Variants in FGD4 observed in about 807,000 individuals in gnomAD.
FGD4 encodes FYVE, RhoGEF and PH domain-containing protein 4.
A neutral mutation model predicts 102.0 loss-of-function variants in FGD4; 42 were observed. The ratio of observed to expected loss-of-function variants is 0.41; its 90% confidence interval spans 0.32 to 0.53. The LOEUF is 0.53. Ranked by LOEUF, FGD4 falls within the 20% of genes least tolerant of loss-of-function variation. FGD4 has a pLI of 0.21. For synonymous variants in FGD4, 380 were observed against 375.7 expected (o/e 1.01, Z -0.13); for missense variants, 902 against 1,078.2 (o/e 0.84, Z 2.29).
intron 1 of FGD4, among the ~76,000 whole-genome samples, chr12:32,494,401 C>A (rs1362395616): frequency 6.6e-6 from 1 of 152,098 alleles, no homozygotes; most frequent in Non-Finnish European, 1.5e-5. Context: ...CTTTTACCCA[C>A]CTCCAGCCGT....
At chr12:32,597,882 C>CT (rs1379458847) in intron 4 of FGD4, among the ~76,000 whole-genome samples, 1 of 152,070 alleles carries the variant, frequency 6.6e-6, no homozygotes, top group East Asian at 1.9e-4. Flanking sequence ...TGAAGTTTTT[C>CT]TTTCTGTTTT....
rs368322495 is a variant in FGD4, at chr12:32,633,342, A to G, written c.2173-207A>G. On this transcript the variant is annotated intron_variant, in intron 14 of 16. Coordinates refer to ENST00000534526, the MANE Select transcript of FGD4 (RefSeq NM_001370298.3). Reference sequence around the variant, plus strand: ...TGAAGGTCTTCTACCTTTAGAGGCCAGGAAAAGGATGAGTGAGCAGAGCTG... The same window carrying G: ...TGAAGGTCTTCTACCTTTAGAGGCCGGGAAAAGGATGAGTGAGCAGAGCTG... 7.2e-5 allele frequency among the ~76,000 whole-genome samples: 11 copies of G among 152,348 alleles called. 2 individuals carry two copies. The highest frequency in any genetic ancestry group is 1.3e-4 in the Admixed American group (2 of 15,306).
At chr12:32,610,995 C>A in intron 9 of FGD4, 142 bp from the exon 10 acceptor site, 1 of 1,256,202 alleles carries the variant, frequency 8.0e-7, no homozygotes, top group Admixed American at 2.1e-5. Context: ...TCTGAACTTG[C>A]TAATAAGTGA....
intron 1 of FGD4, among the ~76,000 whole-genome samples, chr12:32,522,769 G>T (rs1013269113): frequency 6.6e-6 from 1 of 152,374 alleles, no homozygotes; most frequent in Non-Finnish European, 1.5e-5. Flanking sequence ...AGTGGCAAGA[G>T]ATGAGGGGTA....
At chr12:32,504,857 G>A (rs1310347110) in intron 1 of FGD4, among the ~76,000 whole-genome samples, 1 of 152,150 alleles carries the variant, frequency 6.6e-6, no homozygotes, top group Non-Finnish European at 1.5e-5. Context: ...ACATTATGCC[G>A]GAATGTTGCC....
At chr12:32,629,599 C>T (rs763584808) in intron 14 of FGD4, among the ~76,000 whole-genome samples, 41 of 152,150 alleles carry the variant, frequency 2.7e-4, no homozygotes, top group Non-Finnish European at 5.4e-4. Context: ...AACATCATCT[C>T]ATTCCATCTT....
At chr12:32,477,449 A>G (rs1186044365) in intron 1 of FGD4, 3 of 152,380 alleles carry the variant, frequency 2.0e-5, no homozygotes, top group Non-Finnish European at 4.4e-5. Context: ...CGATTTTAGT[A>G]TATGTGCTGC....
intron 1 of FGD4, among the ~76,000 whole-genome samples, chr12:32,410,204 T>A (rs1941141942): frequency 1.3e-5 from 2 of 151,928 alleles, no homozygotes; most frequent in Admixed American, 1.3e-4. Context: ...GGCGGGCGCC[T>A]GCAGTCCCAG....
chr12:32,599,673 G>A (rs1325681392), intron 5 of FGD4, among the ~76,000 whole-genome samples: 2 of 142,388 alleles, frequency 1.4e-5, no homozygotes, highest in Non-Finnish European at 3.0e-5. Context: ...TCAGCCTCCC[G>A]AGTAGCTGGA....
chr12:32,543,870 G>A (rs1337407783), intron 1 of FGD4, among the ~76,000 whole-genome samples: 9 of 152,020 alleles, frequency 5.9e-5, no homozygotes, highest in South Asian at 4.2e-4. Context: ...CTCATGATCC[G>A]CCCGCCTCGG....
At chr12:32,573,661 A>AT (rs150955968) in intron 2 of FGD4, among the ~76,000 whole-genome samples, 2,187 of 152,212 alleles carry the variant, frequency 0.014, 49 homozygotes, top group African/African-American at 0.049. Flanking sequence ...TCCATGTATC[A>AT]TTTGTTCTTT....
intron 10 of FGD4, among the ~76,000 whole-genome samples, chr12:32,614,838 C>T (rs756523241): frequency 5.9e-5 from 9 of 152,148 alleles, no homozygotes; most frequent in Admixed American, 5.2e-4. Context: ...CAAAATTGAA[C>T]TTGGTAGAGC....
At chr12:32,632,804 A>G (rs943698683) in intron 14 of FGD4, among the ~76,000 whole-genome samples, 6 of 151,060 alleles carry the variant, frequency 4.0e-5, no homozygotes, top group African/African-American at 1.5e-4. Flanking sequence ...CCTGGACTCA[A>G]GCATCTGCCC....
intron 1 of FGD4, among the ~76,000 whole-genome samples, chr12:32,550,787 C>T (rs936224042): frequency 6.7e-6 from 1 of 149,576 alleles, no homozygotes. Flanking sequence ...AATGAAGAAA[C>T]GTCAAATGGA....
chr12:32,444,996 G>C (rs960332087), intron 1 of FGD4, among the ~76,000 whole-genome samples: 1 of 152,190 alleles, frequency 6.6e-6, no homozygotes, highest in Non-Finnish European at 1.5e-5. Context: ...AATAGCAAGG[G>C]TCATTGATGA....
intron 1 of FGD4, among the ~76,000 whole-genome samples, chr12:32,463,407 C>G (rs1943162456): frequency 6.6e-6 from 1 of 152,178 alleles, no homozygotes; most frequent in Non-Finnish European, 1.5e-5. Flanking sequence ...AAAATACCAA[C>G]TTTTGGGGCA....
In FGD4 at chr12:32,426,458, C is replaced by T. The variant is rs532041649; in HGVS notation, c.166+26499C>T. Among the ~76,000 whole-genome samples the T allele has an allele frequency of 1.5e-4, 23 of 152,154 alleles. No homozygotes were observed. The South Asian group carries it at 3.3e-3, about 22-fold the overall frequency. ...AAGCTTTTTGATGTGCTGCTGGATT[C>T]GGTTTACTAGTATTTTATTGAGGAT... On this transcript the variant is annotated intron_variant, in intron 1 of 16. Transcript: ENST00000534526.
rs756169087 is a variant in FGD4, at chr12:32,601,411, G to A, written c.1235G>A (p.Arg412Gln). The change falls in exon 6 of 17, where the codon CGA becomes CAA. Residue 412 changes from arginine to glutamine, a missense_variant. Arg to Gln is a conservative substitution (Grantham distance 43). This residue lies in a region of FGD4 where 459 missense variants were observed against 619.0 expected (regional missense o/e 0.74). Transcript: ENST00000534526. ...TTCCTCTTGCCAGAGCTGGAGAAAC[G>A]AATGCAAGAATGGTAAGAGGAGTAG... Reference protein sequence around the residue: ...SKFLLPELEKRMQEWETTPRI... With the variant: ...SKFLLPELEKQMQEWETTPRI... 9.3e-6 allele frequency: 15 copies of A among 1,613,642 alleles called. No homozygotes were observed. Among genetic ancestry groups the A allele is most frequent in the African/African-American group, 2.7e-5 (2 of 74,888 alleles).
chr12:32,611,056 A>T lies in FGD4; in HGVS notation c.1603-81A>T. On this transcript the variant is annotated intron_variant, in intron 9 of 16. Transcript: ENST00000534526. ...TACTCCTAATCCCTTCTAAATTTAG[A>T]TTTTAGTTAAGGTCATAGTATTATT... is the stretch of plus-strand genomic sequence containing the variant. 9 of 1,540,542 alleles carry T rather than the reference A, an allele frequency of 5.8e-6. No individual in the cohort carries two copies. In the South Asian group the frequency reaches 1.0e-4, roughly 18 times the overall value.
Sources: gnomAD v4.1 joint callset for allele counts (sites outside exome capture counted in the v4.1 genomes callset) on GRCh38, gnomAD v4.1.1 for gene constraint, gnomAD v4.1.1 regional missense constraint, MANE v1.5 for transcripts, NCBI Gene and HGNC (gene_info 2026-07-23, HGNC 2026-07-21) for gene names.